PDCD6IP: variants seen among roughly 807,000 people sequenced by gnomAD.
PDCD6IP encodes programmed cell death 6 interacting protein.
Under a neutral mutation model 103.7 loss-of-function variants are expected in PDCD6IP, and 43 were observed. That is an observed-to-expected ratio of 0.41 (90% confidence interval 0.32 to 0.53). The LOEUF (loss-of-function observed/expected upper bound fraction) is 0.53, where lower values mean the gene tolerates loss of function less well. Among genes scored for constraint, PDCD6IP ranks in the 20% least tolerant of loss-of-function variants. The probability of loss-of-function intolerance (pLI) is 0.16; values close to 1 mark genes in which losing one functional copy is unlikely to be tolerated. For synonymous variants in PDCD6IP, 354 were observed against 378.7 expected (o/e 0.93, Z 0.76); for missense variants, 871 against 1,036.7 (o/e 0.84, Z 2.20).
intron 3 of PDCD6IP, among the ~76,000 whole-genome samples, chr3:33,814,631 A>ATATATGCACATATAATGTGTATTC (rs1696797429): frequency 7.1e-6 from 1 of 140,290 alleles, no homozygotes; most frequent in African/African-American, 2.6e-5. Context: ...AATGTGTATT[A>ATATATGCACATATAATGTGTATTC]TATGTGCATA....
intron 7 of PDCD6IP, chr3:33,835,451 G>A (rs1348191118): frequency 1.3e-5 from 5 of 381,634 alleles, no homozygotes; most frequent in South Asian, 4.0e-5. Flanking sequence ...GCACAGTGGC[G>A]CAAGCCTGTA....
Position 33,836,855 on chromosome 3 carries a change from T to C in PDCD6IP, c.1057+589T>C, listed in dbSNP as rs187800755. Among the ~76,000 whole-genome samples the C allele has an allele frequency of 2.2e-3, 328 of 151,672 alleles. 1 individual carries two copies. The highest frequency in any genetic ancestry group is 2.3e-3 in the Non-Finnish European group (153 of 67,906). On this transcript the variant is annotated intron_variant, in intron 8 of 17. Transcript: ENST00000307296. ...GCCTGGGTGACAGAGAGAGATCTTT[T>C]CTCAAAAATAAATAAATAAATAAAT...
At chr3:33,817,695 A>G (rs1696885405) in intron 3 of PDCD6IP, among the ~76,000 whole-genome samples, 1 of 151,982 alleles carries the variant, frequency 6.6e-6, no homozygotes, top group African/African-American at 2.4e-5. Flanking sequence ...TGAGGCTGCA[A>G]TAAGCCATGA....
At chr3:33,859,810 C>T (rs9816877) in intron 15 of PDCD6IP, among the ~76,000 whole-genome samples, 44,542 of 151,972 alleles carry the variant, frequency 0.29, 6,766 homozygotes, top group East Asian at 0.41. Flanking sequence ...TTAATCCAGC[C>T]ATTCTGTTTT....
At chr3:33,861,588 G>A (rs978468515) in intron 15 of PDCD6IP, among the ~76,000 whole-genome samples, 1 of 152,068 alleles carries the variant, frequency 6.6e-6, no homozygotes, top group Non-Finnish European at 1.5e-5. Flanking sequence ...GGTATATATC[G>A]AGGTCAAAGG....
chr3:33,850,522 C>T (rs1697691049), intron 12 of PDCD6IP, among the ~76,000 whole-genome samples: 1 of 152,150 alleles, frequency 6.6e-6, no homozygotes, highest in Non-Finnish European at 1.5e-5. Flanking sequence ...AGAACAACAA[C>T]AAACAACCCC....
intron 1 of PDCD6IP, among the ~76,000 whole-genome samples, chr3:33,808,549 G>A (rs187210848): frequency 1.3e-5 from 2 of 152,266 alleles, no homozygotes; most frequent in East Asian, 1.9e-4. Flanking sequence ...AAAGTGTTGG[G>A]ATTACAGGCA....
At chr3:33,818,508 C>T (rs1446217007) in intron 3 of PDCD6IP, among the ~76,000 whole-genome samples, 1 of 144,072 alleles carries the variant, frequency 6.9e-6, no homozygotes, top group African/African-American at 2.5e-5. Context: ...GATATTGATC[C>T]CTTGCTTTTT....
At chr3:33,855,382 A>T in intron 15 of PDCD6IP, 122 bp downstream of exon 15, 3 of 600,574 alleles carry the variant, frequency 5.0e-6, no homozygotes. Context: ...TGGAAGAAGG[A>T]ACTAGATAGA....
rs560771018 is a variant in PDCD6IP, at chr3:33,866,458, C to G, written c.2540C>G (p.Pro847Arg). 2.2e-5 allele frequency: 35 copies of G among 1,611,920 alleles called. No individual in the cohort carries two copies. Among genetic ancestry groups the G allele is most frequent in the Non-Finnish European group, 2.9e-5 (34 of 1,179,256 alleles). ...YHQSPGQAPY[P>R]GPQQPSYPFP... Reference sequence around the variant, plus strand: ...CAGAGTCCTGGACAGGCTCCATACCCGGGACCCCAGCAGCCTTCATACCCC... The same window carrying G: ...CAGAGTCCTGGACAGGCTCCATACCGGGGACCCCAGCAGCCTTCATACCCC... The change falls in exon 18 of 18, where the codon CCG (proline) becomes CGG (arginine). Residue 847 changes from proline to arginine, a missense_variant. This residue lies in a region of PDCD6IP where 202 missense variants were observed against 205.2 expected (regional missense o/e 0.98). Coordinates refer to ENST00000307296, the MANE Select transcript of PDCD6IP (RefSeq NM_013374.6).
chr3:33,853,114 G>A (rs1697756493), intron 13 of PDCD6IP, among the ~76,000 whole-genome samples: 1 of 151,898 alleles, frequency 6.6e-6, no homozygotes, highest in South Asian at 2.1e-4. Flanking sequence ...TAGTAGAGAC[G>A]GGGTTTCACC....
chr3:33,845,385 C>T (rs1328515639), intron 11 of PDCD6IP, 34 bp from the exon 12 acceptor site: 6 of 1,572,350 alleles, frequency 3.8e-6, no homozygotes, highest in Non-Finnish European at 5.2e-6. Context: ...GTTAGAATCA[C>T]TTCTGTGCTC....
rs543869712 is a variant in PDCD6IP, at chr3:33,799,002, C to T, written c.209+65C>T. 15 of 1,362,152 alleles carry T rather than the reference C, an allele frequency of 1.1e-5. No individual in the cohort carries two copies. In the East Asian group the frequency reaches 2.5e-4, roughly 23 times the overall value. 84.4% of individuals were successfully genotyped at this position (1,362,152 alleles called of 1,614,324 possible). On this transcript the variant is annotated intron_variant, in intron 1 of 17. Coordinates refer to ENST00000307296, the MANE Select transcript of PDCD6IP (RefSeq NM_013374.6). ...CGTCGCTCGCCGCTCCTCTTCCCGT[C>T]TCCCCCCTTCCTTCAATCCTGTAAC...
chr3:33,824,992 T>C (rs1697084328), intron 4 of PDCD6IP, among the ~76,000 whole-genome samples, 195 bp from the exon 5 acceptor site: 1 of 152,264 alleles, frequency 6.6e-6, no homozygotes, highest in African/African-American at 2.4e-5. Flanking sequence ...GTTAAATCTC[T>C]TGTTACGCTA....
chr3:33,811,664 A>G (rs1420989364), intron 1 of PDCD6IP, among the ~76,000 whole-genome samples: 1 of 152,078 alleles, frequency 6.6e-6, no homozygotes, highest in Non-Finnish European at 1.5e-5. Context: ...AGTGCTGGAG[A>G]CAGATAGAGA....
intron 12 of PDCD6IP, among the ~76,000 whole-genome samples, chr3:33,847,979 T>TA (rs1697630282): frequency 2.0e-5 from 3 of 150,414 alleles, no homozygotes; most frequent in African/African-American, 7.5e-5. Context: ...GGGGGTACCT[T>TA]TAAAAAAAAA....
At chr3:33,804,243 A>G (rs1412539643) in intron 1 of PDCD6IP, among the ~76,000 whole-genome samples, 2 of 152,228 alleles carry the variant, frequency 1.3e-5, no homozygotes, top group Non-Finnish European at 2.9e-5. Flanking sequence ...TCCCGCCTGC[A>G]GCTTGAATCT....
intron 7 of PDCD6IP, among the ~76,000 whole-genome samples, chr3:33,832,754 T>C (rs1321529166): frequency 6.6e-6 from 1 of 152,200 alleles, no homozygotes; most frequent in Admixed American, 6.5e-5. Context: ...TAGTTATTTA[T>C]ACTTGAGACT....
rs552044873 is a variant in PDCD6IP at position 33,801,801 on chromosome 3, A to G, written c.209+2864A>G. The stretch of plus-strand genomic sequence containing the variant: ...TTTTATTTGAAGCTCCAGATATACC[A>G]TTTACCAGCATTGTGTAATTTCTTT... On this transcript the variant is annotated intron_variant, in intron 1 of 17. Coordinates refer to ENST00000307296, the MANE Select transcript of PDCD6IP (RefSeq NM_013374.6). 1.3e-4 allele frequency among the ~76,000 whole-genome samples: 20 copies of G among 152,254 alleles called. No individual in the cohort carries two copies. In the East Asian group the frequency reaches 2.9e-3, roughly 22 times the overall value.
Sources: gnomAD v4.1 joint callset for allele counts (sites outside exome capture counted in the v4.1 genomes callset) on GRCh38, gnomAD v4.1.1 for gene constraint, gnomAD v4.1.1 regional missense constraint, MANE v1.5 for transcripts, NCBI Gene and HGNC (gene_info 2026-07-23, HGNC 2026-07-21) for gene names.